FHOD3: variants seen among roughly 807,000 people sequenced by gnomAD.
The protein encoded by FHOD3 is formin homology 2 domain containing 3, also known as FH1/FH2 domain-containing protein 3.
In FHOD3, 90 loss-of-function variants were observed where a neutral mutation model predicts 173.0. The observed-to-expected ratio is 0.52, with a 90% CI of 0.44 to 0.62. The LOEUF is 0.62. Among genes scored for constraint, FHOD3 ranks in the 20% least tolerant of loss-of-function variants. The pLI, the probability that FHOD3 is intolerant of heterozygous loss-of-function variation, is 0.00. For synonymous variants in FHOD3, 828 were observed against 823.0 expected, an observed-to-expected ratio of 1.01 and a Z score of -0.10; for missense variants, 1,945 against 2,034.7, an observed-to-expected ratio of 0.96 and a Z score of 0.85.
intron 3 of FHOD3, among the ~76,000 whole-genome samples, chr18:36,408,371 T>G (rs2049172355): frequency 2.0e-5 from 3 of 152,134 alleles, no homozygotes; most frequent in Admixed American, 2.0e-4. Context: ...TGGGCAGATC[T>G]GCATGCCCCA....
At chr18:36,711,289 C>A (rs1272758676) in intron 18 of FHOD3, 2 of 152,172 alleles carry the variant, frequency 1.3e-5, no homozygotes, top group Non-Finnish European at 2.9e-5. Flanking sequence ...AATCACAGAG[C>A]AACCTTAGAG....
At chr18:36,481,231 A>C (rs1265716555) in intron 3 of FHOD3, among the ~76,000 whole-genome samples, 1 of 151,922 alleles carries the variant, frequency 6.6e-6, no homozygotes, top group East Asian at 1.9e-4. Flanking sequence ...CTCTTTTCTT[A>C]GTAAATTGCC....
intron 3 of FHOD3, among the ~76,000 whole-genome samples, chr18:36,446,524 G>T (rs1327933080): frequency 6.6e-6 from 1 of 151,458 alleles, no homozygotes; most frequent in African/African-American, 2.4e-5. Context: ...TAATCCACAT[G>T]TCCCAGATTG....
intron 1 of FHOD3, among the ~76,000 whole-genome samples, chr18:36,346,553 G>A (rs565519615): frequency 2.0e-5 from 3 of 152,220 alleles, no homozygotes; most frequent in South Asian, 2.1e-4. Context: ...CACCATATCC[G>A]ATCAGTCACT....
intron 3 of FHOD3, among the ~76,000 whole-genome samples, chr18:36,399,204 C>A (rs2048690432): frequency 1.3e-5 from 2 of 152,146 alleles, no homozygotes; most frequent in Admixed American, 1.3e-4. Context: ...AGGTGCTTCT[C>A]CTTTCCATGG....
At chr18:36,342,466 G>C (rs2045671383) in intron 1 of FHOD3, among the ~76,000 whole-genome samples, 1 of 152,120 alleles carries the variant, frequency 6.6e-6, no homozygotes, top group Non-Finnish European at 1.5e-5. Flanking sequence ...AATGCAGCTA[G>C]AGAAAAATAG....
intron 1 of FHOD3, among the ~76,000 whole-genome samples, chr18:36,344,538 A>T (rs1388942960): frequency 1.3e-5 from 2 of 152,198 alleles, no homozygotes; most frequent in Non-Finnish European, 2.9e-5. Context: ...ATAAATCACT[A>T]AAAGGCTTAA....
At chr18:36,696,505 G>A (rs2039289980) in intron 17 of FHOD3, among the ~76,000 whole-genome samples, 1 of 152,078 alleles carries the variant, frequency 6.6e-6, no homozygotes, top group Admixed American at 6.5e-5. Context: ...TTTTCCTTTT[G>A]TCTTACAAAA....
At chr18:36,390,863 A>G (rs2048270648) in intron 3 of FHOD3, among the ~76,000 whole-genome samples, 1 of 152,214 alleles carries the variant, frequency 6.6e-6, no homozygotes, top group South Asian at 2.1e-4. Context: ...AGAAATAACG[A>G]GTGGTCCACA....
At chr18:36,394,060 T>C (rs1338295405) in intron 3 of FHOD3, among the ~76,000 whole-genome samples, 8 of 152,108 alleles carry the variant, frequency 5.3e-5, no homozygotes, top group Non-Finnish European at 1.2e-4. Context: ...GTGAATTTGC[T>C]AACAAAGCAA....
At chr18:36,390,501 A>G (rs1326901905) in intron 3 of FHOD3, among the ~76,000 whole-genome samples, 1 of 152,176 alleles carries the variant, frequency 6.6e-6, no homozygotes, top group Non-Finnish European at 1.5e-5. Flanking sequence ...CTGCTCTGGC[A>G]TGCACCCTGT....
intron 5 of FHOD3, among the ~76,000 whole-genome samples, chr18:36,568,499 C>G (rs537549946): frequency 6.6e-6 from 1 of 152,004 alleles, no homozygotes; most frequent in African/African-American, 2.4e-5. Flanking sequence ...AACCCCTGGG[C>G]TCCACACAGA....
At chr18:36,706,035 T>C (rs1476249714) in intron 17 of FHOD3, among the ~76,000 whole-genome samples, 1 of 148,978 alleles carries the variant, frequency 6.7e-6, no homozygotes, top group Non-Finnish European at 1.5e-5. Context: ...TGAAAGATAA[T>C]GGGAAAGGGG....
chr18:36,473,508 T>A (rs2053397263), intron 3 of FHOD3, among the ~76,000 whole-genome samples: 1 of 152,224 alleles, frequency 6.6e-6, no homozygotes, highest in South Asian at 2.1e-4. Flanking sequence ...GTTAACTCAT[T>A]GAAGTTTGAG....
intron 3 of FHOD3, among the ~76,000 whole-genome samples, chr18:36,437,773 C>T (rs2050897922): frequency 6.6e-6 from 1 of 151,162 alleles, no homozygotes; most frequent in African/African-American, 2.4e-5. Flanking sequence ...AAATGATTCT[C>T]CTGCCTCAGC....
chr18:36,607,325 G>T (rs2032191493), intron 8 of FHOD3, among the ~76,000 whole-genome samples: 1 of 152,138 alleles, frequency 6.6e-6, no homozygotes, highest in Non-Finnish European at 1.5e-5. Context: ...GTCACAGCTG[G>T]GGTGGCCAAA....
At chr18:36,392,181 T>G (rs2048333006) in intron 3 of FHOD3, among the ~76,000 whole-genome samples, 1 of 152,158 alleles carries the variant, frequency 6.6e-6, no homozygotes, top group African/African-American at 2.4e-5. Context: ...GAGACAGTCA[T>G]AGGGTTTTGG....
At chr18:36,487,529 G>C (rs2054253454) in intron 3 of FHOD3, among the ~76,000 whole-genome samples, 1 of 152,210 alleles carries the variant, frequency 6.6e-6, no homozygotes, top group African/African-American at 2.4e-5. Flanking sequence ...GGAGATGACA[G>C]AGGGAAATGG....
chr18:36,389,678 T>C (rs1221998241), intron 3 of FHOD3, among the ~76,000 whole-genome samples: 1 of 152,208 alleles, frequency 6.6e-6, no homozygotes, highest in Non-Finnish European at 1.5e-5. Flanking sequence ...ATTTTCATTT[T>C]CCTTTGAGGT....
Sources: allele counts gnomAD v4.1 joint callset (sites outside exome capture counted in the v4.1 genomes callset), GRCh38; gene constraint gnomAD v4.1.1; transcripts MANE v1.5; gene names NCBI Gene and HGNC (gene_info 2026-07-23, HGNC 2026-07-21).